JADE3: variants seen among roughly 807,000 people sequenced by gnomAD.
JADE3 encodes the protein jade family PHD finger 3, also known as protein Jade-3.
A neutral mutation model predicts 50.1 loss-of-function variants in JADE3; 2 were observed. That is an observed-to-expected ratio of 0.04 (90% confidence interval 0.02 to 0.13). The LOEUF (loss-of-function observed/expected upper bound fraction) is 0.13, where lower values mean the gene tolerates loss of function less well. Ranked by LOEUF, JADE3 falls within the 10% of genes least tolerant of loss-of-function variation. The pLI, the probability that JADE3 is intolerant of heterozygous loss-of-function variation, is 1.00. For synonymous variants in JADE3, 218 were observed against 232.9 expected, an observed-to-expected ratio of 0.94 and a Z score of 0.58; for missense variants, 475 against 634.4, an observed-to-expected ratio of 0.75 and a Z score of 2.70.
At chrX:46,934,605 T>G (rs782652927) in intron 1 of JADE3, among the ~76,000 whole-genome samples, 71 of 108,902 alleles carry the variant, frequency 6.5e-4, no homozygotes, top group Non-Finnish European at 1.2e-3. Context: ...GCCTTTTTTT[T>G]TGTATTTTTA....
chrX:46,957,504 G>C (rs781944774), intron 1 of JADE3, among the ~76,000 whole-genome samples: 1 of 111,916 alleles, frequency 8.9e-6, no homozygotes, highest in African/African-American at 3.3e-5. Flanking sequence ...GACTTGCTTT[G>C]GTCATTGAAA....
intron 7 of JADE3, 37 bp downstream of exon 7, chrX:47,033,825 C>T (rs1556367298): frequency 9.3e-7 from 1 of 1,079,963 alleles, no homozygotes; most frequent in South Asian, 2.2e-5. Flanking sequence ...CCATTTGCTC[C>T]AGGGTGTCCC....
intron 7 of JADE3, among the ~76,000 whole-genome samples, chrX:47,037,679 C>G (rs115513938): frequency 8.9e-6 from 1 of 111,850 alleles, no homozygotes; most frequent in Admixed American, 9.5e-5. Flanking sequence ...TATATATTTA[C>G]GGGATGCATG....
chrX:47,000,729 T>G (rs1850331002), intron 4 of JADE3, among the ~76,000 whole-genome samples: 1 of 110,516 alleles, frequency 9.0e-6, no homozygotes, highest in Non-Finnish European at 1.9e-5. Context: ...TTTTTGTATT[T>G]TTAATAGAGA....
chrX:46,924,361 C>G (rs1209949270), intron 1 of JADE3, among the ~76,000 whole-genome samples: 1 of 112,359 alleles, frequency 8.9e-6, no homozygotes. Context: ...TTTATATGCT[C>G]GGATCCTGTG....
intron 8 of JADE3, among the ~76,000 whole-genome samples, chrX:47,042,283 T>C (rs1929277959): frequency 8.9e-6 from 1 of 112,033 alleles, no homozygotes; most frequent in African/African-American, 3.2e-5. Flanking sequence ...TTAACAGACC[T>C]GGATTTGTAT....
At chrX:47,038,136 A>T (rs782474594) in intron 7 of JADE3, among the ~76,000 whole-genome samples, 1 of 111,934 alleles carries the variant, frequency 8.9e-6, no homozygotes, top group Non-Finnish European at 1.9e-5. Context: ...TCGTTCTTTT[A>T]TATGGTTGAA....
chrX:47,036,940 C>G (rs1440221082), intron 7 of JADE3, among the ~76,000 whole-genome samples: 2 of 81,822 alleles, frequency 2.4e-5, no homozygotes, highest in Non-Finnish European at 4.7e-5. Context: ...AGGGGAATAT[C>G]ACACTCTGGG....
intron 1 of JADE3, among the ~76,000 whole-genome samples, chrX:46,963,269 A>G (rs1927302880): frequency 8.9e-6 from 1 of 111,795 alleles, no homozygotes; most frequent in Non-Finnish European, 1.9e-5. Flanking sequence ...TGCTACTCGT[A>G]TGGCTGCTGT....
At chrX:46,914,783 C>T (rs1926045627) in intron 1 of JADE3, among the ~76,000 whole-genome samples, 1 of 111,897 alleles carries the variant, frequency 8.9e-6, no homozygotes, top group Non-Finnish European at 1.9e-5. Flanking sequence ...TGTTGCTTGC[C>T]CTCGGCAATG....
chrX:47,046,095 G>T (rs1191894861), intron 8 of JADE3, among the ~76,000 whole-genome samples: 1 of 110,706 alleles, frequency 9.0e-6, no homozygotes, highest in Non-Finnish European at 1.9e-5. Flanking sequence ...CAAAAAGTTG[G>T]TTTTTTGAAA....
At chrX:46,916,909 A>T (rs1556336454) in intron 1 of JADE3, among the ~76,000 whole-genome samples, 1 of 110,948 alleles carries the variant, frequency 9.0e-6, no homozygotes, top group Non-Finnish European at 1.9e-5. Flanking sequence ...GTCATTTGGG[A>T]TGGGTGTAAC....
At position 46,976,302 on chromosome X, in the gene JADE3, C is replaced by T. The variant is rs1015571083; in HGVS notation, c.-11-8582C>T. 6.6e-4 allele frequency among the ~76,000 whole-genome samples: 74 copies of T among 111,633 alleles called. 1 individual carries two copies. The highest frequency in any genetic ancestry group is 2.8e-4 in the Non-Finnish European group (15 of 53,149). On this transcript the variant is annotated intron_variant, in intron 1 of 10. Coordinates refer to ENST00000614628, the MANE Select transcript of JADE3 (RefSeq NM_014735.5). ...ATGGGGAGTCAAGTAGCCACCAAACCGCAGGCTTAGGTTCCAGTCCCAAAT... is the reference window on the plus strand; with the variant it reads ...ATGGGGAGTCAAGTAGCCACCAAACTGCAGGCTTAGGTTCCAGTCCCAAAT...
In JADE3 at chrX:46,941,351, G is replaced by C. The variant is rs781930848; in HGVS notation, c.-12+28632G>C. Among the ~76,000 whole-genome samples the C allele has an allele frequency of 5.4e-3, 601 of 111,538 alleles. 4 individuals are homozygous for C. Among genetic ancestry groups the C allele is most frequent in the Non-Finnish European group, 9.2e-3 (488 of 53,088 alleles). ...CCGTGTCTTTGCTATTGTGAATAGT[G>C]CTGTGATGAACATATGAGTGCATGT... On this transcript the variant is annotated intron_variant, in intron 1 of 10. Coordinates refer to ENST00000614628, the MANE Select transcript of JADE3 (RefSeq NM_014735.5).
chrX:47,008,813 G>A (rs1247685179), intron 4 of JADE3, among the ~76,000 whole-genome samples: 1 of 111,159 alleles, frequency 9.0e-6, no homozygotes, highest in Non-Finnish European at 1.9e-5. Context: ...GGGGGTGATG[G>A]ACACATTATC....
At chrX:46,917,277 A>G (rs782130159) in intron 1 of JADE3, among the ~76,000 whole-genome samples, 1 of 111,139 alleles carries the variant, frequency 9.0e-6, no homozygotes, top group East Asian at 2.8e-4. Context: ...TATTTTTTCA[A>G]CAAATAAATA....
At chrX:46,943,173 A>G (rs1385784816) in intron 1 of JADE3, among the ~76,000 whole-genome samples, 1 of 111,942 alleles carries the variant, frequency 8.9e-6, no homozygotes, top group African/African-American at 3.2e-5. Flanking sequence ...CTCTTTTCCA[A>G]TTTGGATGCC....
intron 1 of JADE3, among the ~76,000 whole-genome samples, chrX:46,983,718 T>C (rs1446657642): frequency 9.0e-6 from 1 of 111,496 alleles, no homozygotes; most frequent in Non-Finnish European, 1.9e-5. Context: ...TTTATGAATT[T>C]TAGTAGATTT....
At chrX:46,959,043 G>T (rs1211134010) in intron 1 of JADE3, among the ~76,000 whole-genome samples, 1 of 111,874 alleles carries the variant, frequency 8.9e-6, no homozygotes, top group Non-Finnish European at 1.9e-5. Flanking sequence ...GACCAACCAC[G>T]TGCCTAATTC....
Sources: allele counts gnomAD v4.1 joint callset (sites outside exome capture counted in the v4.1 genomes callset), GRCh38; gene constraint gnomAD v4.1.1; transcripts MANE v1.5; gene names NCBI Gene and HGNC (gene_info 2026-07-23, HGNC 2026-07-21).